Variants in DAPK2 observed in about 807,000 individuals in gnomAD.
DAPK2 encodes death-associated protein kinase 2.
DAPK2 carries 35 observed loss-of-function variants against 44.1 expected under a neutral mutation model. The observed-to-expected ratio is 0.79, with a 90% CI of 0.61 to 1.05. The LOEUF is 1.05. Among genes scored for constraint, DAPK2 ranks in the 50% least tolerant of loss-of-function variants. DAPK2 has a pLI of 0.00. For synonymous variants in DAPK2, 174 were observed against 182.6 expected, an observed-to-expected ratio of 0.95 and a Z score of 0.38; for missense variants, 453 against 483.2, an observed-to-expected ratio of 0.94 and a Z score of 0.59.
chr15:63,923,002 C>T lies in DAPK2; in HGVS notation c.858+1814G>A. ...TGGCCTGGATGTCTTCTCGCAGCAG[C>T]TTCTTCAATGACTCCACCTTGCGGA... On this transcript the variant is annotated intron_variant, in intron 8 of 10. Coordinates refer to ENST00000261891, the Ensembl canonical transcript of DAPK2. The surrounding 1 kb of genome is among the most constrained non-coding windows in gnomAD (Gnocchi z 4.2). The T allele has an allele frequency of 6.5e-7, 1 of 1,535,914 alleles. No individual in the cohort carries two copies. The highest frequency in any genetic ancestry group is 8.7e-7 in the Non-Finnish European group (1 of 1,146,732).
chr15:64,023,663 C>T lies in DAPK2; in HGVS notation c.92+16507G>A, dbSNP rs182559908. On this transcript the variant is annotated intron_variant, in intron 1 of 10. Coordinates refer to ENST00000261891, the Ensembl canonical transcript of DAPK2. ...ATATAAAAAATACTGATGCCAGGGC[C>T]TCACTGCAACTCCTCCCTGTGAACT... Among the ~76,000 whole-genome samples the T allele has an allele frequency of 2.0e-5, 3 of 152,324 alleles. No individual in the cohort carries two copies. In the East Asian group the frequency reaches 5.8e-4, roughly 29 times the overall value.
chr15:63,961,400 T>A (rs1319971503), intron 3 of DAPK2, among the ~76,000 whole-genome samples: 2 of 152,216 alleles, frequency 1.3e-5, no homozygotes, highest in East Asian at 1.9e-4. Flanking sequence ...GTTAGCTGGC[T>A]ATTTTGCTCA....
intron 6 of DAPK2, chr15:63,928,565 A>G (rs936773193): frequency 6.6e-6 from 1 of 152,164 alleles, no homozygotes; most frequent in Non-Finnish European, 1.5e-5. Context: ...AGACTTGCGC[A>G]TGTTGACTTA....
At chr15:63,933,090 T>C (rs1461623991) in intron 4 of DAPK2, among the ~76,000 whole-genome samples, 1 of 152,186 alleles carries the variant, frequency 6.6e-6, no homozygotes, top group African/African-American at 2.4e-5. Context: ...CAGTGATAAT[T>C]CAAAGTGTGG....
chr15:63,950,948 T>C (rs190812778), intron 3 of DAPK2, among the ~76,000 whole-genome samples: 3 of 152,314 alleles, frequency 2.0e-5, no homozygotes, highest in Admixed American at 1.3e-4. Flanking sequence ...TCACACATTA[T>C]TAAAGGACAG....
chr15:63,996,428 C>T (rs1201241265), intron 1 of DAPK2, among the ~76,000 whole-genome samples: 1 of 152,142 alleles, frequency 6.6e-6, no homozygotes, highest in Non-Finnish European at 1.5e-5. Flanking sequence ...GACAACAGAG[C>T]AAGACCCTGG....
intron 2 of DAPK2, among the ~76,000 whole-genome samples, chr15:63,979,405 A>C (rs12907026): frequency 0.41 from 62,523 of 152,044 alleles, 14,737 homozygotes; most frequent in East Asian, 0.96. Context: ...CTTGAGCAGA[A>C]AGCAGGCGGA....
intron 3 of DAPK2, among the ~76,000 whole-genome samples, chr15:63,964,180 T>G (rs1263284316): frequency 6.6e-6 from 1 of 152,198 alleles, no homozygotes; most frequent in African/African-American, 2.4e-5. Context: ...GGGAAAGTCT[T>G]TATTTCTCCT....
At chr15:63,930,163 T>C (rs1174900428) in intron 5 of DAPK2, among the ~76,000 whole-genome samples, 1 of 152,200 alleles carries the variant, frequency 6.6e-6, no homozygotes, top group Non-Finnish European at 1.5e-5. Context: ...GCCTCTCCTC[T>C]TGCTCCTCCA....
chr15:64,031,766 T>C (rs1178379956), intron 1 of DAPK2, among the ~76,000 whole-genome samples: 1 of 152,250 alleles, frequency 6.6e-6, no homozygotes, highest in Non-Finnish European at 1.5e-5. Flanking sequence ...TTGTATTTCT[T>C]GAACCAGTTA....
At chr15:63,989,850 C>T (rs1287894081) in intron 1 of DAPK2, among the ~76,000 whole-genome samples, 1 of 152,068 alleles carries the variant, frequency 6.6e-6, no homozygotes, top group Non-Finnish European at 1.5e-5. Flanking sequence ...CACCATTATA[C>T]CTGGCTAATT....
intron 1 of DAPK2, among the ~76,000 whole-genome samples, chr15:64,023,656 C>G (rs1435526171): frequency 6.6e-6 from 1 of 152,156 alleles, no homozygotes; most frequent in Non-Finnish European, 1.5e-5. Flanking sequence ...AATACTGATG[C>G]CAGGGCCTCA....
intron 1 of DAPK2, among the ~76,000 whole-genome samples, chr15:64,019,590 A>C (rs1017842953): frequency 1.3e-5 from 2 of 152,232 alleles, no homozygotes; most frequent in Non-Finnish European, 2.9e-5. Context: ...AAACAGAAAA[A>C]GTATATGAAA....
intron 6 of DAPK2, among the ~76,000 whole-genome samples, chr15:63,929,055 C>T (rs1595726908): frequency 6.6e-6 from 1 of 152,226 alleles, no homozygotes; most frequent in East Asian, 1.9e-4. Context: ...ACAAAATTAG[C>T]CAGGTGTGGT....
At chr15:63,993,220 C>T (rs2078863355) in intron 1 of DAPK2, among the ~76,000 whole-genome samples, 1 of 152,284 alleles carries the variant, frequency 6.6e-6, no homozygotes, top group Admixed American at 6.5e-5. Flanking sequence ...ATCCTGACCT[C>T]CCTCCAAAGA....
chr15:63,924,916 A>C, intron 7 of DAPK2, 55 bp from the exon 9 acceptor site: 1 of 1,589,916 alleles, frequency 6.3e-7, no homozygotes, highest in Non-Finnish European at 8.6e-7. Flanking sequence ...GTTGGGAGCA[A>C]CCATCTCCGT....
Position 63,922,803 on chromosome 15 carries a change from T to C in DAPK2, c.858+2013A>G. On this transcript the variant is annotated intron_variant, in intron 8 of 10. Coordinates refer to ENST00000261891, the Ensembl canonical transcript of DAPK2. ...CTGAGCAGCTCTGACAGGGATTCAC[T>C]GGTGTCCTGGTAGAATGTGGAGCCC... The C allele has an allele frequency of 2.0e-6, 3 of 1,535,860 alleles. No homozygotes were observed. In the South Asian group the frequency reaches 3.6e-5, roughly 18 times the overall value.
At chr15:64,025,464 T>C (rs1184322427) in intron 1 of DAPK2, among the ~76,000 whole-genome samples, 1 of 152,212 alleles carries the variant, frequency 6.6e-6, no homozygotes, top group Non-Finnish European at 1.5e-5. Context: ...TCTGAGTCCC[T>C]GGAAGGATGT....
upstream of DAPK2, among the ~76,000 whole-genome samples, chr15:64,043,224 C>G (rs2080387980): frequency 6.6e-6 from 1 of 152,206 alleles, no homozygotes; most frequent in South Asian, 2.1e-4. Flanking sequence ...GGGACCACCA[C>G]TTTGGAAAAC....
Sources: gnomAD v4.1 joint callset for allele counts (sites outside exome capture counted in the v4.1 genomes callset) on GRCh38, gnomAD v4.1.1 for gene constraint, Gnocchi (gnomAD v3.1) non-coding constraint, MANE v1.5 for transcripts, NCBI Gene and HGNC (gene_info 2026-07-23, HGNC 2026-07-21) for gene names.